MKRN1: variants seen among roughly 807,000 people sequenced by gnomAD.
MKRN1 encodes the protein makorin ring finger protein 1.
In MKRN1, 9 loss-of-function variants were observed where a neutral mutation model predicts 55.5. The observed-to-expected ratio is 0.16, with a 90% CI of 0.10 to 0.28. MKRN1 has a LOEUF of 0.28. Among genes scored for constraint, MKRN1 ranks in the 10% least tolerant of loss-of-function variants. MKRN1 has a pLI of 1.00. For missense variants in MKRN1, 488 were observed against 626.7 expected (o/e 0.78, Z 2.36); for synonymous variants, 253 against 235.9 (o/e 1.07, Z -0.66).
At chr7:140,475,566 A>G (rs570375625) in intron 1 of MKRN1, among the ~76,000 whole-genome samples, 1 of 152,110 alleles carries the variant, frequency 6.6e-6, no homozygotes, top group South Asian at 2.1e-4. Flanking sequence ...GGGGAGGTTC[A>G]AGCAGGAGGA....
At chr7:140,472,116 T>C in intron 1 of MKRN1, 105 bp from the exon 2 acceptor site, 4 of 1,467,032 alleles carry the variant, frequency 2.7e-6, no homozygotes, top group Non-Finnish European at 3.7e-6. Flanking sequence ...TACACAAACA[T>C]ACGAAATAAA....
chr7:140,459,127 A>G lies in MKRN1; in HGVS notation c.651T>C (p.Ala217=), dbSNP rs1315282299. Residue 217 remains alanine (A), a synonymous_variant, in exon 4 of 8, where the codon GCT becomes GCC. Coordinates refer to ENST00000255977, the MANE Select transcript of MKRN1 (RefSeq NM_013446.4). ...VETKKQLCPY[A]AVGECRYGEN... ...CCCCGTATCGGCACTCTCCCACTGCAGCATAGGGGCACAGCTGCTTCTTTG... is the reference window on the plus strand; with the variant it reads ...CCCCGTATCGGCACTCTCCCACTGCGGCATAGGGGCACAGCTGCTTCTTTG... 6.2e-7 allele frequency: 1 copy of G among 1,613,846 alleles called. No individual in the cohort carries two copies. The highest frequency in any genetic ancestry group is 2.2e-5 in the East Asian group (1 of 44,900).
intron 2 of MKRN1, among the ~76,000 whole-genome samples, chr7:140,465,951 CGCG>C (rs1385374792): frequency 6.6e-6 from 1 of 151,966 alleles, no homozygotes; most frequent in Non-Finnish European, 1.5e-5. Flanking sequence ...CATGGTGGTG[CGCG>C]CCTGTAGTCC....
chr7:140,468,628 G>A (rs938720385), intron 2 of MKRN1, among the ~76,000 whole-genome samples: 9 of 145,882 alleles, frequency 6.2e-5, no homozygotes, highest in African/African-American at 2.3e-4. Flanking sequence ...TTGAACCAGG[G>A]AGTCGGAGGT....
intron 4 of MKRN1, among the ~76,000 whole-genome samples, chr7:140,458,101 G>A (rs974093152): frequency 1.3e-5 from 2 of 152,174 alleles, no homozygotes; most frequent in Non-Finnish European, 2.9e-5. Context: ...CAGCCACTGT[G>A]GAAAAGTATG....
intron 2 of MKRN1, chr7:140,460,246 C>CAAAAAAAAAAAAA (rs58698651): frequency 9.1e-5 from 7 of 76,786 alleles, no homozygotes; most frequent in African/African-American, 2.0e-4. Flanking sequence ...GACTCCGTCT[C>CAAAAAAAAAAAAA]AAAAAAAAAA....
rs763042898 is a variant in MKRN1 at position 140,454,655 on chromosome 7, T to G, written c.1311A>C (p.Glu437Asp). The change falls in exon 8 of 8, where the codon GAA becomes GAC. Residue 437 changes from glutamate to aspartate, a missense_variant. Around this residue, in one of 2 missense-constraint regions of MKRN1, gnomAD observed 278 missense variants for 406.7 expected, o/e 0.68. Coordinates refer to ENST00000255977, the MANE Select transcript of MKRN1 (RefSeq NM_013446.4). ...ENSNPFDNDE[E>D]EVVTFELGEM... ...CGCCCAGCTCAAAGGTGACAACCTC[T>G]TCTTCATCGTTGTCAAAGGGGTTGC... 1 of 1,613,996 alleles carries G rather than the reference T, an allele frequency of 6.2e-7. No homozygotes were observed. Among genetic ancestry groups the G allele is most frequent in the Non-Finnish European group, 8.5e-7 (1 of 1,179,858 alleles).
chr7:140,456,225 GCT>G lies in MKRN1; in HGVS notation c.987-327_987-326del, dbSNP rs1365929546. ...AAATAAATTTATTTCTTGTAGCTTT[GCT>G]CTGTTTAGATTATGTGGTTTTTGTT... On this transcript the variant is annotated intron_variant, in intron 5 of 7. Transcript: ENST00000255977. 6 of 1,150,742 alleles carry G rather than the reference GCT, an allele frequency of 5.2e-6. No homozygotes were observed. In the African/African-American group the frequency reaches 6.5e-5, roughly 13 times the overall value. The allele number at this position is 1,150,742 out of a possible 1,614,324, so 71.3% of individuals were successfully genotyped here. A position where few individuals can be genotyped will look rare whatever the true frequency, so the allele number is the denominator to read the frequency against.
In MKRN1 at chr7:140,475,190, A is replaced by G. The variant is rs961881551; in HGVS notation, c.186-3179T>C. On this transcript the variant is annotated intron_variant, in intron 1 of 7. Transcript: ENST00000255977. Reference sequence around the variant, plus strand: ...AACCCCATCTCTACTAAACGTACAAATAATTAGCCGAGTGTGATGGCACGT... The same window carrying G: ...AACCCCATCTCTACTAAACGTACAAGTAATTAGCCGAGTGTGATGGCACGT... 1.2e-5 allele frequency: 5 copies of G among 432,796 alleles called. No individual in the cohort carries two copies. In the Admixed American group the frequency reaches 1.2e-4, roughly 11 times the overall value. The allele number at this position is 432,796 out of a possible 1,614,324, so 26.8% of individuals were successfully genotyped here.
intron 2 of MKRN1, among the ~76,000 whole-genome samples, chr7:140,471,058 G>A (rs1373123548): frequency 1.3e-5 from 2 of 152,132 alleles, no homozygotes; most frequent in East Asian, 1.9e-4. Context: ...CAGAAACTGA[G>A]ATAATAAATG....
chr7:140,474,014 AAAGAAAGAAAGAAAGAAAGAAAGAAAG>A (rs1407029425), intron 1 of MKRN1, among the ~76,000 whole-genome samples: 8 of 35,378 alleles, frequency 2.3e-4, no homozygotes, highest in Non-Finnish European at 3.5e-4. Flanking sequence ...AAAAAGAAAG[AAAGAAAGAAAGAAAGAAAGAAAGAAAG>A]AAAGAAAGAA....
At chr7:140,454,886 A>G (rs931510327) in intron 7 of MKRN1, among the ~76,000 whole-genome samples, 157 bp from the exon 8 acceptor site, 4 of 152,118 alleles carry the variant, frequency 2.6e-5, no homozygotes, top group African/African-American at 9.7e-5. Context: ...TGGTTACTTC[A>G]TGGAAATCGT....
At chr7:140,477,954 T>C (rs1184344841) in intron 1 of MKRN1, among the ~76,000 whole-genome samples, 1 of 152,230 alleles carries the variant, frequency 6.6e-6, no homozygotes, top group Non-Finnish European at 1.5e-5. Flanking sequence ...ATTGCGTTTA[T>C]GCTTTCTACA....
At chr7:140,474,536 T>G in intron 1 of MKRN1, 1 of 209,898 alleles carries the variant, frequency 4.8e-6, no homozygotes, top group South Asian at 5.0e-5. Flanking sequence ...GACAGCTAGA[T>G]GTGATGGTGA....
intron 2 of MKRN1, 165 bp from the exon 3 acceptor site, chr7:140,460,101 T>C: frequency 3.1e-6 from 2 of 640,084 alleles, no homozygotes; most frequent in South Asian, 1.8e-5. Context: ...ACGCAAAAAT[T>C]AGCTGGGCAT....
chr7:140,457,000 T>C (rs1794483734), intron 4 of MKRN1, 134 bp from the exon 5 acceptor site: 1 of 920,868 alleles, frequency 1.1e-6, no homozygotes, highest in Non-Finnish European at 1.6e-6. Context: ...GACACGAAAA[T>C]TAGCTTTGCT....
intron 2 of MKRN1, among the ~76,000 whole-genome samples, chr7:140,471,307 G>C (rs1297838288): frequency 6.6e-6 from 1 of 151,910 alleles, no homozygotes; most frequent in Admixed American, 6.6e-5. Context: ...AGCCTGGTAA[G>C]TTGAGGCTGC....
intron 2 of MKRN1, among the ~76,000 whole-genome samples, chr7:140,465,534 CAA>C (rs1208941785): frequency 6.6e-6 from 1 of 151,544 alleles, no homozygotes; most frequent in Non-Finnish European, 1.5e-5. Flanking sequence ...TGTCCAGAAA[CAA>C]AGACTGGGAG....
At chr7:140,466,234 T>C (rs1484429193) in intron 2 of MKRN1, among the ~76,000 whole-genome samples, 2 of 152,166 alleles carry the variant, frequency 1.3e-5, no homozygotes, top group Admixed American at 1.3e-4. Flanking sequence ...ACTCAACAAT[T>C]ATCACCAAAC....
Sources: gnomAD v4.1 joint callset for allele counts (sites outside exome capture counted in the v4.1 genomes callset) on GRCh38, gnomAD v4.1.1 for gene constraint, gnomAD v4.1.1 regional missense constraint, MANE v1.5 for transcripts, NCBI Gene and HGNC (gene_info 2026-07-23, HGNC 2026-07-21) for gene names.